Variants in TRPM3 observed in about 807,000 individuals in gnomAD.
The protein encoded by TRPM3 is transient receptor potential cation channel subfamily M member 3.
A neutral mutation model predicts 181.2 loss-of-function variants in TRPM3; 77 were observed. The ratio of observed to expected loss-of-function variants is 0.42; its 90% CI spans 0.35 to 0.51. TRPM3 has a LOEUF of 0.51. Among genes scored for constraint, TRPM3 ranks in the 20% least tolerant of loss-of-function variants. TRPM3 has a pLI of 0.01. For synonymous variants in TRPM3, 745 were observed against 796.4 expected, an observed-to-expected ratio of 0.94 and a Z score of 1.09; for missense variants, 1,759 against 2,196.7, an observed-to-expected ratio of 0.80 and a Z score of 3.98.
chr9:71,059,722 G>T (rs1209249768), intron 1 of TRPM3, among the ~76,000 whole-genome samples: 1 of 152,042 alleles, frequency 6.6e-6, no homozygotes, highest in Non-Finnish European at 1.5e-5. Flanking sequence ...CAGGACTGAA[G>T]CATCAATTCC....
intron 3 of TRPM3, among the ~76,000 whole-genome samples, chr9:70,857,273 T>G (rs558241912): frequency 6.6e-6 from 1 of 152,234 alleles, no homozygotes; most frequent in South Asian, 2.1e-4. Context: ...CCTTCAGTTC[T>G]ATCAGCTTTG....
chr9:71,155,998 T>C (rs575858287), intron 1 of TRPM3, among the ~76,000 whole-genome samples: 1 of 152,232 alleles, frequency 6.6e-6, no homozygotes, highest in African/African-American at 2.4e-5. Context: ...CTTTTGTACC[T>C]AATACATCCA....
chr9:70,570,898 A>T (rs578236941), intron 22 of TRPM3, among the ~76,000 whole-genome samples: 33 of 152,316 alleles, frequency 2.2e-4, no homozygotes, highest in African/African-American at 7.5e-4. Context: ...CTATCTTCCA[A>T]TCTTTCACAT....
chr9:71,352,497 T>C (rs2091698470), intron 1 of TRPM3, among the ~76,000 whole-genome samples: 1 of 152,164 alleles, frequency 6.6e-6, no homozygotes, highest in African/African-American at 2.4e-5. Context: ...TGGGATATGC[T>C]ATTCCAGCAT....
intron 1 of TRPM3, among the ~76,000 whole-genome samples, chr9:71,246,514 T>C (rs1224701938): frequency 6.6e-6 from 1 of 152,100 alleles, no homozygotes; most frequent in East Asian, 1.9e-4. Flanking sequence ...GGCCATAATA[T>C]AAAATGGATT....
At chr9:70,929,541 G>A (rs535720742) in intron 1 of TRPM3, among the ~76,000 whole-genome samples, 5 of 152,172 alleles carry the variant, frequency 3.3e-5, no homozygotes, top group Admixed American at 1.3e-4. Context: ...CATCTTTGGA[G>A]CTTAAGCCAC....
chr9:71,397,932 C>G (rs764856692), intron 1 of TRPM3, among the ~76,000 whole-genome samples: 16 of 152,170 alleles, frequency 1.1e-4, no homozygotes, highest in Non-Finnish European at 2.2e-4. Flanking sequence ...AAGCCAAACT[C>G]TTACTCAAAT....
chr9:70,668,201 C>G (rs1165657440), intron 9 of TRPM3, among the ~76,000 whole-genome samples: 1 of 152,132 alleles, frequency 6.6e-6, no homozygotes, highest in Non-Finnish European at 1.5e-5. Flanking sequence ...GTCCTGGACT[C>G]AGACAAACTG....
At chr9:70,898,522 G>A (rs1484039712) in intron 1 of TRPM3, among the ~76,000 whole-genome samples, 3 of 150,486 alleles carry the variant, frequency 2.0e-5, no homozygotes, top group Non-Finnish European at 4.4e-5. Flanking sequence ...GGCCAAGGCG[G>A]GCGGATCACG....
intron 1 of TRPM3, among the ~76,000 whole-genome samples, chr9:70,868,621 T>C (rs943673138): frequency 3.3e-5 from 5 of 151,996 alleles, no homozygotes; most frequent in Admixed American, 1.3e-4. Context: ...ACAGGGTATA[T>C]TAAACCCATT....
chr9:70,940,447 T>C (rs1400460381), intron 1 of TRPM3, among the ~76,000 whole-genome samples: 1 of 152,236 alleles, frequency 6.6e-6, no homozygotes, highest in African/African-American at 2.4e-5. Flanking sequence ...GCTCTTTCAA[T>C]TTCTTGCTCT....
At chr9:70,575,718 A>G (rs1044654671) in intron 22 of TRPM3, among the ~76,000 whole-genome samples, 4 of 152,350 alleles carry the variant, frequency 2.6e-5, no homozygotes, top group East Asian at 1.9e-4. Context: ...TTAAGAATAT[A>G]CCAAAGAACA....
At chr9:71,222,699 T>C (rs1588025700) in intron 1 of TRPM3, among the ~76,000 whole-genome samples, 1 of 152,024 alleles carries the variant, frequency 6.6e-6, no homozygotes, top group South Asian at 2.1e-4. Flanking sequence ...ACACCATCAC[T>C]CCCCCATCCC....
intron 6 of TRPM3, among the ~76,000 whole-genome samples, chr9:70,814,177 A>G (rs573784046): frequency 6.6e-6 from 1 of 152,200 alleles, no homozygotes; most frequent in Non-Finnish European, 1.5e-5. Flanking sequence ...TAGCTTCCAC[A>G]TGAGGTGTCT....
chr9:70,573,476 T>C (rs1308312878), intron 22 of TRPM3, among the ~76,000 whole-genome samples: 1 of 152,202 alleles, frequency 6.6e-6, no homozygotes, highest in Non-Finnish European at 1.5e-5. Context: ...GAAAGCTGTG[T>C]GGACAGAGAA....
At chr9:70,949,060 T>C (rs1384349502) in intron 1 of TRPM3, among the ~76,000 whole-genome samples, 2 of 152,054 alleles carry the variant, frequency 1.3e-5, no homozygotes, top group African/African-American at 4.8e-5. Flanking sequence ...AAATCCCTAT[T>C]ACAGGCTGTG....
At chr9:70,649,615 A>T (rs1410196003) in intron 9 of TRPM3, among the ~76,000 whole-genome samples, 2 of 152,202 alleles carry the variant, frequency 1.3e-5, no homozygotes, top group Non-Finnish European at 2.9e-5. Context: ...GCCATTCAGA[A>T]TGGCTAGTAC....
At chr9:70,883,896 T>C (rs1564681211) in intron 1 of TRPM3, among the ~76,000 whole-genome samples, 1 of 152,212 alleles carries the variant, frequency 6.6e-6, no homozygotes, top group Non-Finnish European at 1.5e-5. Context: ...AGTATTTTTA[T>C]CTTTGGAAAG....
intron 1 of TRPM3, among the ~76,000 whole-genome samples, chr9:71,032,050 T>A (rs1087365): frequency 0.068 from 520 of 7,680 alleles, 33 homozygotes; most frequent in East Asian, 0.55. Context: ...ATATATATAT[T>A]ATATATATTA....
Sources: allele counts gnomAD v4.1 joint callset (sites outside exome capture counted in the v4.1 genomes callset), GRCh38; gene constraint gnomAD v4.1.1; transcripts MANE v1.5; gene names NCBI Gene and HGNC (gene_info 2026-07-23, HGNC 2026-07-21).